RIMBP2: variants seen among roughly 807,000 people sequenced by gnomAD.
RIMBP2 encodes RIMS binding protein 2.
In RIMBP2, 48 loss-of-function variants were observed where a neutral mutation model predicts 118.6. That is an observed-to-expected ratio of 0.40 (90% CI 0.32 to 0.51). The LOEUF (loss-of-function observed/expected upper bound fraction) is 0.51. Ranked by LOEUF, RIMBP2 falls within the 20% of genes least tolerant of loss-of-function variation. RIMBP2 has a pLI of 0.41. For synonymous variants in RIMBP2, 762 were observed against 742.9 expected (o/e 1.03, Z -0.42); for missense variants, 1,551 against 1,768.3 (o/e 0.88, Z 2.20).
intron 11 of RIMBP2, among the ~76,000 whole-genome samples, chr12:130,439,266 G>A (rs2077820186): frequency 6.6e-6 from 1 of 151,970 alleles, no homozygotes; most frequent in African/African-American, 2.4e-5. Flanking sequence ...ACATGTGTAT[G>A]TGTGTATGTA....
rs2052718111 is a variant in RIMBP2, at chr12:130,525,816, C to A, written c.-216-7899G>T. Among the ~76,000 whole-genome samples the A allele has an allele frequency of 6.6e-6, 1 of 152,182 alleles. No homozygotes were observed. Among genetic ancestry groups the A allele is most frequent in the African/African-American group, 2.4e-5 (1 of 41,432 alleles). ...GCTTTCCTCCTCTTCTTTGTGAAAT[C>A]TCATCCAGTCCTCTCAGCACTGCCA... On this transcript the variant is annotated intron_variant, in intron 2 of 22. Transcript: ENST00000690449. This position sits in a 1 kb window ranked among gnomAD's most constrained non-coding sequence, Gnocchi z 4.4.
chr12:130,438,335 A>AC (rs146625626), intron 12 of RIMBP2, 30 bp downstream of exon 12: 16,792 of 861,356 alleles, frequency 0.019, 271 homozygotes, highest in East Asian at 0.1. Context: ...GGCCTAACAA[A>AC]CCCTCCCCAC....
chr12:130,480,711 G>C (rs1052596818), intron 4 of RIMBP2, among the ~76,000 whole-genome samples: 3 of 151,970 alleles, frequency 2.0e-5, no homozygotes, highest in Non-Finnish European at 4.4e-5. Context: ...AGCTACTCTC[G>C]TGCTTCAGCC....
intron 2 of RIMBP2, among the ~76,000 whole-genome samples, chr12:130,556,377 A>C (rs60491450): frequency 0.084 from 12,812 of 152,270 alleles, 727 homozygotes; most frequent in South Asian, 0.17. Flanking sequence ...CATAATTTTT[A>C]TCTTACCATT....
intron 1 of RIMBP2, among the ~76,000 whole-genome samples, chr12:130,634,956 A>G (rs1243003567): frequency 3.3e-5 from 5 of 152,088 alleles, no homozygotes; most frequent in Non-Finnish European, 7.4e-5. Flanking sequence ...TCTCCAGCAC[A>G]TTAATTAAAG....
chr12:130,435,582 C>T (rs763387295), intron 13 of RIMBP2, among the ~76,000 whole-genome samples: 2 of 152,186 alleles, frequency 1.3e-5, no homozygotes, highest in Admixed American at 6.5e-5. Flanking sequence ...GTCCTGCCCA[C>T]GGCCTCCCCA....
intron 1 of RIMBP2, among the ~76,000 whole-genome samples, chr12:130,666,077 G>A (rs936619161): frequency 6.6e-6 from 1 of 152,226 alleles, no homozygotes; most frequent in African/African-American, 2.4e-5. Flanking sequence ...CCTCAGGGGA[G>A]GTGTATGGGT....
rs2052631632 is a variant in RIMBP2 at position 130,525,091 on chromosome 12, G to A, written c.-216-7174C>T. ...CCGACACCACTTTGAGTCACAGGAG[G>A]GGAGGAGCTCTCAGCAAGATTAAGG... On this transcript the variant is annotated intron_variant, in intron 2 of 22. Coordinates refer to ENST00000690449, the MANE Select transcript of RIMBP2 (RefSeq NM_001393629.1). The surrounding 1 kb of genome is among the most constrained non-coding windows in gnomAD (Gnocchi z 4.4). Among the ~76,000 whole-genome samples, 1 of 152,200 alleles carries A rather than the reference G, an allele frequency of 6.6e-6. No individual in the cohort carries two copies. The highest frequency in any genetic ancestry group is 1.5e-5 in the Non-Finnish European group (1 of 68,032).
intron 2 of RIMBP2, among the ~76,000 whole-genome samples, chr12:130,531,479 G>A (rs563748565): frequency 5.3e-5 from 8 of 152,244 alleles, no homozygotes; most frequent in East Asian, 1.9e-4. Context: ...TATCTAGGAC[G>A]CACCCACATC....
At position 130,469,712 on chromosome 12, in the gene RIMBP2, G is replaced by A. The variant is rs61935947; in HGVS notation, c.153+981C>T. Reference sequence around the variant, plus strand: ...GCAACGTAAGAGATGCACATAGCCCGTTTTAAGTGGCTGCTGCTCCCCCAG... The same window carrying A: ...GCAACGTAAGAGATGCACATAGCCCATTTTAAGTGGCTGCTGCTCCCCCAG... On this transcript the variant is annotated intron_variant, in intron 6 of 22. Coordinates refer to ENST00000690449, the MANE Select transcript of RIMBP2 (RefSeq NM_001393629.1). This position sits in a 1 kb window ranked among gnomAD's most constrained non-coding sequence, Gnocchi z 4.8. Among the ~76,000 whole-genome samples, 10,829 of 152,254 alleles carry A rather than the reference G, an allele frequency of 0.071. 505 individuals carry two copies. The highest frequency in any genetic ancestry group is 0.13 in the Middle Eastern group (38 of 294).
chr12:130,535,618 GCTCT>G (rs1011800198), intron 2 of RIMBP2, among the ~76,000 whole-genome samples: 1 of 150,428 alleles, frequency 6.6e-6, no homozygotes, highest in Non-Finnish European at 1.5e-5. Context: ...GTAAAACACA[GCTCT>G]CTCTATATAT....
At chr12:130,428,007 A>T in intron 15 of RIMBP2, 172 bp downstream of exon 15, 2 of 597,428 alleles carry the variant, frequency 3.3e-6, no homozygotes, top group Non-Finnish European at 5.5e-6. Flanking sequence ...ACAGGAGTGT[A>T]GGTAATTCCC....
chr12:130,405,969 A>G (rs896238897), intron 21 of RIMBP2, among the ~76,000 whole-genome samples: 1 of 152,228 alleles, frequency 6.6e-6, no homozygotes, highest in Non-Finnish European at 1.5e-5. Context: ...CAAGGAAGAA[A>G]CAATGAAGTT....
rs2074137519 is a variant in RIMBP2 at position 130,397,287 on chromosome 12, C to T, written c.*74G>A. On this transcript the variant is annotated 3_prime_UTR_variant, in exon 23 of 23. Coordinates refer to ENST00000690449, the MANE Select transcript of RIMBP2 (RefSeq NM_001393629.1). ...GAAGATTGGGTTTTTTTAGGAAGTA[C>T]TTGAGTCATGAAAGCCCTAGTTTGG... The T allele has an allele frequency of 2.5e-6, 1 of 397,570 alleles. No individual in the cohort carries two copies. The highest frequency in any genetic ancestry group is 4.4e-6 in the Non-Finnish European group (1 of 225,576). 24.6% of individuals were successfully genotyped at this position (397,570 alleles called of 1,614,324 possible). A position where few individuals can be genotyped will look rare whatever the true frequency, so the allele number is the denominator to read the frequency against.
intron 1 of RIMBP2, among the ~76,000 whole-genome samples, chr12:130,639,526 C>T (rs10848170): frequency 0.67 from 92,261 of 138,372 alleles, 31,834 homozygotes; most frequent in Middle Eastern, 0.78. Flanking sequence ...AACTAAGTAT[C>T]ACATTTTTTT....
intron 1 of RIMBP2, among the ~76,000 whole-genome samples, chr12:130,650,323 G>C (rs1390019050): frequency 6.6e-6 from 1 of 152,212 alleles, no homozygotes; most frequent in Non-Finnish European, 1.5e-5. Flanking sequence ...GCACCCTTCC[G>C]AAACGTGCTG....
intron 2 of RIMBP2, among the ~76,000 whole-genome samples, chr12:130,567,130 A>G (rs1385277315): frequency 1.3e-5 from 2 of 152,236 alleles, no homozygotes; most frequent in Non-Finnish European, 1.5e-5. Context: ...ACAGCCAGGG[A>G]AAATTAAAAT....
At chr12:130,493,707 T>C (rs2048863814) in intron 4 of RIMBP2, among the ~76,000 whole-genome samples, 1 of 152,204 alleles carries the variant, frequency 6.6e-6, no homozygotes, top group Non-Finnish European at 1.5e-5. Flanking sequence ...TATACATATT[T>C]AAATTTAAAC....
At chr12:130,531,989 ACG>A (rs2053447112) in intron 2 of RIMBP2, among the ~76,000 whole-genome samples, 2 of 97,908 alleles carry the variant, frequency 2.0e-5, no homozygotes, top group Non-Finnish European at 3.9e-5. Context: ...TCTAGGAGGT[ACG>A]TCTAATGAGA....
Sources: gnomAD v4.1 joint callset for allele counts (sites outside exome capture counted in the v4.1 genomes callset) on GRCh38, gnomAD v4.1.1 for gene constraint, Gnocchi (gnomAD v3.1) non-coding constraint, MANE v1.5 for transcripts, NCBI Gene and HGNC (gene_info 2026-07-23, HGNC 2026-07-21) for gene names.